The following CPNE6 variants were observed in gnomAD, a reference collection of about 807,000 sequenced individuals.
CPNE6 encodes copine 6.
In CPNE6, 33 loss-of-function variants were observed where a neutral mutation model predicts 71.5. The observed-to-expected ratio is 0.46, with a 90% CI of 0.35 to 0.62. The LOEUF is 0.62. Ranked by LOEUF, CPNE6 falls within the 20% of genes least tolerant of loss-of-function variation. The pLI is 0.00. For missense variants in CPNE6, 576 were observed against 747.3 expected, an observed-to-expected ratio of 0.77 and a Z score of 2.67; for synonymous variants, 296 against 293.0, an observed-to-expected ratio of 1.01 and a Z score of -0.10.
rs1262145720 is a variant in CPNE6 at position 24,072,923 on chromosome 14, G to C, written c.-4-10G>C. 2.6e-6 allele frequency: 4 copies of C among 1,557,804 alleles called. No homozygotes were observed. Among genetic ancestry groups the C allele is most frequent in the Non-Finnish European group, 2.6e-6 (3 of 1,154,158 alleles). On this transcript the variant is annotated splice_polypyrimidine_tract_variant and intron_variant, in intron 2 of 17. Transcript: ENST00000397016. ...TTCCAGAGTCCAGGCCACCTGCTCT[G>C]TCCCCACAGTGACATGTCGGACCCT...
Position 24,074,767 on chromosome 14 carries a change from G to A in CPNE6, c.644G>A (p.Cys215Tyr). 1 of 1,613,814 alleles carries A rather than the reference G, an allele frequency of 6.2e-7. No individual in the cohort carries two copies. Among genetic ancestry groups the A allele is most frequent in the Non-Finnish European group, 8.5e-7 (1 of 1,179,898 alleles). ...TTCCGCCTGTCCCTGCATTCCCTAT[G>A]CAGCTGTGATGTTCACCGACCTCTC... Residue 215 changes from cysteine to tyrosine, a missense_variant, in exon 8 of 18, where the codon TGC (cysteine) becomes TAC (tyrosine). By Grantham distance (194) the Cys-to-Tyr change is radical (BLOSUM62 -2). Around this residue, in one of 4 missense-constraint regions of CPNE6, gnomAD observed 214 missense variants for 291.2 expected, o/e 0.73. Coordinates refer to ENST00000397016, the Ensembl canonical transcript of CPNE6. The surrounding 1 kb of genome is among the most constrained non-coding windows in gnomAD (Gnocchi z 4.5).
Position 24,076,575 on chromosome 14 carries a change from C to A in CPNE6, c.1165+18C>A, listed in dbSNP as rs1211621690. 3.1e-6 allele frequency: 5 copies of A among 1,613,918 alleles called. No individual in the cohort carries two copies. Among genetic ancestry groups the A allele is most frequent in the Non-Finnish European group, 3.4e-6 (4 of 1,180,006 alleles). On this transcript the variant is annotated intron_variant, in intron 14 of 17. Coordinates refer to ENST00000397016, the Ensembl canonical transcript of CPNE6. Reference sequence around the variant, plus strand: ...ATGTGAAGGTAAAAGGGGAGATTTTCACCTGCCCCGCCTCCCCGCAGACAC... The same window carrying A: ...ATGTGAAGGTAAAAGGGGAGATTTTAACCTGCCCCGCCTCCCCGCAGACAC...
chr14:24,074,501 C>T lies in CPNE6; in HGVS notation c.499-30C>T, dbSNP rs756847528. 2.0e-5 allele frequency: 32 copies of T among 1,609,290 alleles called. No individual in the cohort carries two copies. Among genetic ancestry groups the T allele is most frequent in the Middle Eastern group, 1.6e-4 (1 of 6,072 alleles). On this transcript the variant is annotated intron_variant, in intron 6 of 17. Transcript: ENST00000397016. The surrounding 1 kb of genome is among the most constrained non-coding windows in gnomAD (Gnocchi z 4.5). The stretch of plus-strand genomic sequence containing the variant: ...CCACCCTCCTTGCAGCTCTCACCAA[C>T]CTCAAGGGCCCTTTCTCCTGTATCT...
Position 24,075,387 on chromosome 14 carries a change from C to T in CPNE6, c.777+111C>T. On this transcript the variant is annotated intron_variant, in intron 9 of 17. Coordinates refer to ENST00000397016, the Ensembl canonical transcript of CPNE6. This position sits in a 1 kb window ranked among gnomAD's most constrained non-coding sequence, Gnocchi z 4.3. ...TAGGAAGTGGAGAGGGTGGAAAGCA[C>T]CTGGGCTCAGCTGAAGGACGGAACC... 1.4e-6 allele frequency: 2 copies of T among 1,391,338 alleles called. No homozygotes were observed. The highest frequency in any genetic ancestry group is 2.3e-5 in the South Asian group (2 of 85,572). The allele number at this position is 1,391,338 out of a possible 1,614,324, so 86.2% of individuals were successfully genotyped here.
rs1478213115 is a variant in CPNE6, at chr14:24,073,819, A to G, written c.348+141A>G. ...CATCTCTGCCATTCACTAGCTGTGC[A>G]GCCTCAGGAAAGATACTTAACCTCT... is the stretch of plus-strand genomic sequence containing the variant. On this transcript the variant is annotated intron_variant, in intron 4 of 17. Transcript: ENST00000397016. This position sits in a 1 kb window ranked among gnomAD's most constrained non-coding sequence, Gnocchi z 5.5. The G allele has an allele frequency of 3.1e-6, 3 of 956,408 alleles. No homozygotes were observed. The highest frequency in any genetic ancestry group is 2.6e-5 in the East Asian group (1 of 38,440). The allele number at this position is 956,408 out of a possible 1,614,324, so 59.2% of individuals were successfully genotyped here.
In CPNE6 at chr14:24,074,913, T is replaced by A; in HGVS notation, c.672+118T>A. Reference sequence around the variant, plus strand: ...CCCCCAAGTGATAATCACATCCCACTGTGGGATAAATAATAGGTCACAGCT... The same window carrying A: ...CCCCCAAGTGATAATCACATCCCACAGTGGGATAAATAATAGGTCACAGCT... On this transcript the variant is annotated intron_variant, in intron 8 of 17. Transcript: ENST00000397016. The surrounding 1 kb of genome is among the most constrained non-coding windows in gnomAD (Gnocchi z 4.5). The A allele has an allele frequency of 1.2e-6, 1 of 850,950 alleles. No homozygotes were observed. The allele number at this position is 850,950 out of a possible 1,614,324, so 52.7% of individuals were successfully genotyped here.
chr14:24,075,311 A>T lies in CPNE6; in HGVS notation c.777+35A>T. 1 of 1,563,130 alleles carries T rather than the reference A, an allele frequency of 6.4e-7. No homozygotes were observed. The highest frequency in any genetic ancestry group is 8.8e-7 in the Non-Finnish European group (1 of 1,133,564). On this transcript the variant is annotated intron_variant, in intron 9 of 17. Transcript: ENST00000397016. This position sits in a 1 kb window ranked among gnomAD's most constrained non-coding sequence, Gnocchi z 4.3. ...ATACCCCACCCCCAGAATCCCACCC[A>T]GATCCCTGGGAGAATCCTGAGGGTG...
Position 24,075,087 on chromosome 14 carries a change from A to T in CPNE6, c.673-85A>T. The T allele has an allele frequency of 1.0e-6, 1 of 977,614 alleles. No individual in the cohort carries two copies. The highest frequency in any genetic ancestry group is 1.7e-6 in the Non-Finnish European group (1 of 605,198). The allele number at this position is 977,614 out of a possible 1,614,324, so 60.6% of individuals were successfully genotyped here. On this transcript the variant is annotated intron_variant, in intron 8 of 17. Transcript: ENST00000397016. The surrounding 1 kb of genome is among the most constrained non-coding windows in gnomAD (Gnocchi z 4.3). ...GAGACTCTAAGGCCCAAGTCCCCCTACTCCAAGTCCCCGAGTCCCCCTACT... is the reference window on the plus strand; with the variant it reads ...GAGACTCTAAGGCCCAAGTCCCCCTTCTCCAAGTCCCCGAGTCCCCCTACT...
chr14:24,072,924 T>TC lies in CPNE6; in HGVS notation c.-4-5dup, dbSNP rs1566548256. Reference sequence around the variant, plus strand: ...TCCAGAGTCCAGGCCACCTGCTCTGTCCCCACAGTGACATGTCGGACCCTG... The same window carrying TC: ...TCCAGAGTCCAGGCCACCTGCTCTGTCCCCCACAGTGACATGTCGGACCCTG... On this transcript the variant is annotated splice_polypyrimidine_tract_variant and intron_variant, in intron 2 of 17. Coordinates refer to ENST00000397016, the Ensembl canonical transcript of CPNE6. 4 of 1,558,924 alleles carry TC rather than the reference T, an allele frequency of 2.6e-6. No homozygotes were observed. Among genetic ancestry groups the TC allele is most frequent in the East Asian group, 4.9e-5 (2 of 40,604 alleles).
Position 24,073,550 on chromosome 14 carries a change from G to T in CPNE6, c.220G>T (p.Val74Leu). The T allele has an allele frequency of 6.2e-7, 1 of 1,614,012 alleles. No individual in the cohort carries two copies. Among genetic ancestry groups the T allele is most frequent in the Non-Finnish European group, 8.5e-7 (1 of 1,180,030 alleles). ...CTGTTCCAGCCCTGTCTTCTCCCGG[G>T]TGCTGGCCCTTGAGTATTTTTTTGA... Residue 74 changes from valine to leucine, a missense_variant, in exon 4 of 18, where the codon GTG (valine) becomes TTG (leucine). By Grantham distance (32) the Val-to-Leu change is conservative. This residue lies in a region of CPNE6 where 214 missense variants were observed against 291.2 expected (regional missense o/e 0.73). Coordinates refer to ENST00000397016, the Ensembl canonical transcript of CPNE6. The surrounding 1 kb of genome is among the most constrained non-coding windows in gnomAD (Gnocchi z 5.5).
chr14:24,074,747 C>G lies in CPNE6; in HGVS notation c.624C>G (p.Arg208=), dbSNP rs149746359. Reference sequence around the variant, plus strand: ...TGAACCCCAGCTGGGAGCCGTTCCGCCTGTCCCTGCATTCCCTATGCAGCT... The same window carrying G: ...TGAACCCCAGCTGGGAGCCGTTCCGGCTGTCCCTGCATTCCCTATGCAGCT... Residue 208 remains arginine (R), a synonymous_variant, in exon 8 of 18, where the codon CGC becomes CGG. Transcript: ENST00000397016. The surrounding 1 kb of genome is among the most constrained non-coding windows in gnomAD (Gnocchi z 4.5). The G allele has an allele frequency of 7.0e-5, 113 of 1,613,938 alleles. No individual in the cohort carries two copies. Among genetic ancestry groups the G allele is most frequent in the Admixed American group, 1.0e-4 (6 of 59,996 alleles).
chr14:24,072,013 A>C, intron 2 of CPNE6: 2 of 217,418 alleles, frequency 9.2e-6, no homozygotes, highest in Non-Finnish European at 9.2e-6. Flanking sequence ...ACCAATGCAC[A>C]CTCACTCGGG....
In CPNE6 at chr14:24,074,196, A is replaced by G. The variant is rs1255785235; in HGVS notation, c.423+71A>G. The G allele has an allele frequency of 6.3e-7, 1 of 1,596,034 alleles. No homozygotes were observed. The highest frequency in any genetic ancestry group is 8.6e-7 in the Non-Finnish European group (1 of 1,163,438). ...CCCCTGCATGGACACCTATGGTGAC[A>G]TCATGCCCAGGACCACCCCCACCTA... On this transcript the variant is annotated intron_variant, in intron 5 of 17. Coordinates refer to ENST00000397016, the Ensembl canonical transcript of CPNE6. The surrounding 1 kb of genome is among the most constrained non-coding windows in gnomAD (Gnocchi z 4.5).
chr14:24,073,995 G>A lies in CPNE6; in HGVS notation c.349-56G>A, dbSNP rs369416612. 9.0e-5 allele frequency: 131 copies of A among 1,450,194 alleles called. No homozygotes were observed. Among genetic ancestry groups the A allele is most frequent in the Non-Finnish European group, 1.1e-4 (112 of 1,030,622 alleles). 89.8% of individuals were successfully genotyped at this position (1,450,194 alleles called of 1,614,324 possible). A position where few individuals can be genotyped will look rare whatever the true frequency, so the allele number is the denominator to read the frequency against. On this transcript the variant is annotated intron_variant, in intron 4 of 17. Coordinates refer to ENST00000397016, the Ensembl canonical transcript of CPNE6. This position sits in a 1 kb window ranked among gnomAD's most constrained non-coding sequence, Gnocchi z 5.5. ...GCATTTATTATTCCATCCCTTGTACGTGGCCAAGGCAGATGGGGATGTCAC... is the reference window on the plus strand; with the variant it reads ...GCATTTATTATTCCATCCCTTGTACATGGCCAAGGCAGATGGGGATGTCAC...
Position 24,071,318 on chromosome 14 carries a change from G to A in CPNE6, c.-119-209G>A, listed in dbSNP as rs2035889562. On this transcript the variant is annotated intron_variant, in intron 1 of 17. Coordinates refer to ENST00000397016, the Ensembl canonical transcript of CPNE6. ...GCCACTGCAATGTGCGCATCTCTGCGATTCTGGGTGTGGGTGTAGTGTGAA... is the reference window on the plus strand; with the variant it reads ...GCCACTGCAATGTGCGCATCTCTGCAATTCTGGGTGTGGGTGTAGTGTGAA... 12 of 1,431,160 alleles carry A rather than the reference G, an allele frequency of 8.4e-6. No homozygotes were observed. In the Admixed American group the frequency reaches 1.1e-4, roughly 13 times the overall value. The allele number at this position is 1,431,160 out of a possible 1,614,324, so 88.7% of individuals were successfully genotyped here.
intron 1 of CPNE6, 61 bp from the exon 1 acceptor site, chr14:24,071,501 G>GCCGCCCCCCCCCCCCC: frequency 7.1e-7 from 1 of 1,416,702 alleles, no homozygotes; most frequent in Non-Finnish European, 9.3e-7. Flanking sequence ...CTGGTGCTGC[G>GCCGCCCCCCCCCCCCC]CCCCCCCCCA....
intron 2 of CPNE6, 155 bp downstream of exon 1, chr14:24,071,796 TG>T (rs150299056): frequency 0.025 from 13,577 of 545,120 alleles, 423 homozygotes; most frequent in African/African-American, 0.1. Context: ...CCCCAAGAAC[TG>T]GGAGACTTGT....
chr14:24,074,209 C>G lies in CPNE6; in HGVS notation c.424-82C>G. On this transcript the variant is annotated intron_variant, in intron 5 of 17. Transcript: ENST00000397016. The surrounding 1 kb of genome is among the most constrained non-coding windows in gnomAD (Gnocchi z 4.5). ...ACCTATGGTGACATCATGCCCAGGA[C>G]CACCCCCACCTAAGGGAAAGGGGAT... The G allele has an allele frequency of 6.3e-7, 1 of 1,594,728 alleles. No individual in the cohort carries two copies. The highest frequency in any genetic ancestry group is 1.1e-5 in the South Asian group (1 of 90,708).
chr14:24,074,756 G>A lies in CPNE6; in HGVS notation c.633G>A (p.Leu211=), dbSNP rs2036005437. Residue 211 remains leucine, a synonymous_variant, in exon 8 of 18, where the codon CTG becomes CTA. Transcript: ENST00000397016. This position sits in a 1 kb window ranked among gnomAD's most constrained non-coding sequence, Gnocchi z 4.5. Reference sequence around the variant, plus strand: ...GCTGGGAGCCGTTCCGCCTGTCCCTGCATTCCCTATGCAGCTGTGATGTTC... The same window carrying A: ...GCTGGGAGCCGTTCCGCCTGTCCCTACATTCCCTATGCAGCTGTGATGTTC... The A allele has an allele frequency of 1.2e-6, 2 of 1,613,930 alleles. No homozygotes were observed. The highest frequency in any genetic ancestry group is 1.7e-6 in the Non-Finnish European group (2 of 1,179,960).
Sources: allele counts gnomAD v4.1 joint callset, GRCh38; gene constraint gnomAD v4.1.1; regional missense constraint gnomAD v4.1.1; non-coding constraint Gnocchi (gnomAD v3.1); transcripts MANE v1.5; gene names NCBI Gene and HGNC (gene_info 2026-07-23, HGNC 2026-07-21).